The following RGS7 variants were observed in gnomAD, a reference collection of about 807,000 sequenced individuals.
The protein encoded by RGS7 is regulator of G protein signaling 7.
Under a neutral mutation model 81.1 loss-of-function variants are expected in RGS7, and 27 were observed. The ratio of observed to expected loss-of-function variants is 0.33; its 90% CI spans 0.25 to 0.46. The LOEUF (loss-of-function observed/expected upper bound fraction) is 0.46, where lower values mean the gene tolerates loss of function less well. Ranked by LOEUF, RGS7 falls within the 20% of genes least tolerant of loss-of-function variation. RGS7 has a pLI of 1.00. For missense variants in RGS7, 396 were observed against 607.4 expected (o/e 0.65, Z 3.66); for synonymous variants, 208 against 207.7 (o/e 1.00, Z -0.01).
chr1:240,948,895 G>A (rs1679093657), intron 4 of RGS7, among the ~76,000 whole-genome samples: 1 of 150,938 alleles, frequency 6.6e-6, no homozygotes, highest in Admixed American at 6.6e-5. Context: ...TAAATGTGTT[G>A]GTATCCCTGT....
intron 2 of RGS7, among the ~76,000 whole-genome samples, chr1:241,206,872 C>A (rs1221212003): frequency 6.6e-6 from 1 of 151,982 alleles, no homozygotes; most frequent in East Asian, 1.9e-4. Context: ...TTAATTCTCT[C>A]CATAGCACTT....
chr1:241,045,710 C>T (rs1377726349), intron 3 of RGS7, among the ~76,000 whole-genome samples: 3 of 152,142 alleles, frequency 2.0e-5, no homozygotes, highest in Non-Finnish European at 4.4e-5. Context: ...GCAGGCTTGC[C>T]TTTTGCCCAA....
intron 2 of RGS7, among the ~76,000 whole-genome samples, chr1:241,333,103 T>C (rs2082060463): frequency 6.6e-6 from 1 of 152,196 alleles, no homozygotes; most frequent in Non-Finnish European, 1.5e-5. Flanking sequence ...AAAGCAGCTG[T>C]TGTAGTTTAG....
intron 2 of RGS7, among the ~76,000 whole-genome samples, chr1:241,349,434 C>G (rs1454770685): frequency 6.6e-6 from 1 of 152,230 alleles, no homozygotes; most frequent in African/African-American, 2.4e-5. Flanking sequence ...ATGTATCTTT[C>G]CAGATAGGCC....
chr1:241,106,752 C>CCACACACACACACACACACACACACACA (rs778017157), intron 2 of RGS7, among the ~76,000 whole-genome samples: 1,518 of 121,590 alleles, frequency 0.012, 31 homozygotes, highest in Non-Finnish European at 0.02. Flanking sequence ...AACACCACCA[C>CCACACACACACACACACACACACACACA]CACACACACA....
chr1:241,205,412 T>C (rs2073813982), intron 2 of RGS7, among the ~76,000 whole-genome samples: 1 of 151,902 alleles, frequency 6.6e-6, no homozygotes, highest in African/African-American at 2.4e-5. Context: ...ATCTTTCTTA[T>C]TCATAAACCA....
intron 3 of RGS7, among the ~76,000 whole-genome samples, chr1:241,016,089 C>G (rs2059203446): frequency 6.6e-6 from 1 of 152,168 alleles, no homozygotes; most frequent in Non-Finnish European, 1.5e-5. Flanking sequence ...ATCTGGCAAA[C>G]TTACCTTATA....
chr1:241,006,615 T>G (rs1364170400), intron 3 of RGS7, among the ~76,000 whole-genome samples: 2 of 152,242 alleles, frequency 1.3e-5, no homozygotes, highest in Non-Finnish European at 2.9e-5. Flanking sequence ...GAGACTTCTC[T>G]GAACACTTGG....
At chr1:241,196,446 C>T (rs2073078193) in intron 2 of RGS7, among the ~76,000 whole-genome samples, 2 of 151,926 alleles carry the variant, frequency 1.3e-5, no homozygotes, top group South Asian at 4.1e-4. Context: ...TTCATTTAAG[C>T]CTCAAAATAG....
At chr1:240,821,353 G>C (rs1691764812) in intron 10 of RGS7, among the ~76,000 whole-genome samples, 1 of 152,188 alleles carries the variant, frequency 6.6e-6, no homozygotes, top group Non-Finnish European at 1.5e-5. Flanking sequence ...TTGGGAGGCT[G>C]AGACAGGAGA....
chr1:241,030,216 C>T (rs1008682208), intron 3 of RGS7, among the ~76,000 whole-genome samples: 46 of 151,992 alleles, frequency 3.0e-4, no homozygotes, highest in Middle Eastern at 6.8e-3. Context: ...AAGGCTTAGA[C>T]GTGGTTTCCT....
At chr1:241,179,094 A>ATGTT (rs1317199085) in intron 2 of RGS7, among the ~76,000 whole-genome samples, 3 of 151,950 alleles carry the variant, frequency 2.0e-5, no homozygotes, top group African/African-American at 4.8e-5. Flanking sequence ...AATGTTTAGT[A>ATGTT]TGTTTGTTTG....
intron 10 of RGS7, 145 bp from the exon 11 acceptor site, chr1:240,816,560 C>A (rs1690836174): frequency 3.2e-6 from 2 of 624,408 alleles, no homozygotes; most frequent in South Asian, 3.8e-5. Flanking sequence ...AAAGGCACTG[C>A]TAAGATAAAA....
rs144711513 is a variant in RGS7, at chr1:240,979,647, T to C, written c.226+3432A>G. Among the ~76,000 whole-genome samples the C allele has an allele frequency of 4.6e-3, 698 of 152,296 alleles. 10 individuals are homozygous for C. The highest frequency in any genetic ancestry group is 0.016 in the African/African-American group (673 of 41,560). On this transcript the variant is annotated intron_variant, in intron 4 of 18. Coordinates refer to ENST00000440928, the MANE Select transcript of RGS7 (RefSeq NM_001364886.1). Reference sequence around the variant, plus strand: ...TGTGGAGAGGTCAGCATGAAAGTTATGAATTGGAGCATTCTCAACATATGT... The same window carrying C: ...TGTGGAGAGGTCAGCATGAAAGTTACGAATTGGAGCATTCTCAACATATGT...
chr1:241,033,618 T>C (rs1185681094), intron 3 of RGS7, among the ~76,000 whole-genome samples: 3 of 152,116 alleles, frequency 2.0e-5, no homozygotes, highest in Non-Finnish European at 4.4e-5. Flanking sequence ...GTTTTGGTGA[T>C]AAAATGTCCT....
At position 240,816,490 on chromosome 1, in the gene RGS7, T is replaced by A. The variant is rs1377478981; in HGVS notation, c.685-75A>T. ...TCACAGACTTTCTAAAAAGTAACTCTAGCATAAATTCAGTAAGGTCTCTCA... is the reference window on the plus strand; with the variant it reads ...TCACAGACTTTCTAAAAAGTAACTCAAGCATAAATTCAGTAAGGTCTCTCA... On this transcript the variant is annotated intron_variant, in intron 10 of 18. Coordinates refer to ENST00000440928, the MANE Select transcript of RGS7 (RefSeq NM_001364886.1). 3.0e-6 allele frequency: 3 copies of A among 1,000,580 alleles called. No homozygotes were observed. The East Asian group carries it at 7.4e-5, about 25-fold the overall frequency. The allele number at this position is 1,000,580 out of a possible 1,614,324, so 62.0% of individuals were successfully genotyped here.
chr1:241,306,150 TCA>T (rs904771713), intron 2 of RGS7, among the ~76,000 whole-genome samples: 1 of 125,124 alleles, frequency 8.0e-6, no homozygotes, highest in Non-Finnish European at 1.7e-5. Flanking sequence ...ACACACACAC[TCA>T]CACACGTCCA....
intron 3 of RGS7, among the ~76,000 whole-genome samples, chr1:241,012,374 T>C (rs1265935951): frequency 6.6e-6 from 1 of 152,072 alleles, no homozygotes; most frequent in South Asian, 2.1e-4. Flanking sequence ...CAGAGTGCTG[T>C]GCAAGAAAAG....
intron 4 of RGS7, among the ~76,000 whole-genome samples, chr1:240,947,106 A>C (rs1678763025): frequency 6.6e-6 from 1 of 152,230 alleles, no homozygotes; most frequent in Admixed American, 6.5e-5. Flanking sequence ...TTGGTGGACA[A>C]CACACACATG....
Sources: gnomAD v4.1 joint callset for allele counts (sites outside exome capture counted in the v4.1 genomes callset) on GRCh38, gnomAD v4.1.1 for gene constraint, MANE v1.5 for transcripts, NCBI Gene and HGNC (gene_info 2026-07-23, HGNC 2026-07-21) for gene names.